Variants in SDK1 observed in about 807,000 individuals in gnomAD.
SDK1 encodes sidekick cell adhesion molecule 1, also known as protein sidekick-1.
In SDK1, 157 loss-of-function variants were observed where a neutral mutation model predicts 245.5. That is an observed-to-expected ratio of 0.64 (90% CI 0.56 to 0.73). The LOEUF is 0.73. Among genes scored for constraint, SDK1 ranks in the 30% least tolerant of loss-of-function variants. SDK1 has a pLI of 0.00. For synonymous variants in SDK1, 1,647 were observed against 1,278.5 expected (o/e 1.29, Z -6.15); for missense variants, 3,583 against 3,002.3 (o/e 1.19, Z -4.52).
At chr7:4,238,308 G>A (rs898819344) in intron 42 of SDK1, among the ~76,000 whole-genome samples, 2 of 151,930 alleles carry the variant, frequency 1.3e-5, no homozygotes, top group Non-Finnish European at 2.9e-5. Flanking sequence ...TCGAAATCCT[G>A]ACCTCAGGTG....
In SDK1 at chr7:3,873,887, T is replaced by C. The variant is rs548877540; in HGVS notation, c.847+52304T>C. Among the ~76,000 whole-genome samples the C allele has an allele frequency of 6.6e-5, 10 of 152,350 alleles. No homozygotes were observed. The East Asian group carries it at 1.9e-3, about 29-fold the overall frequency. Reference sequence around the variant, plus strand: ...ATTAGAGCCTTTAACATATTAGCTATAGTTGTTTTAAATTCTTTGTCTGAT... The same window carrying C: ...ATTAGAGCCTTTAACATATTAGCTACAGTTGTTTTAAATTCTTTGTCTGAT... On this transcript the variant is annotated intron_variant, in intron 5 of 44. Coordinates refer to ENST00000404826, the MANE Select transcript of SDK1 (RefSeq NM_152744.4).
Position 3,580,986 on chromosome 7 carries a change from A to C in SDK1, c.299-38094A>C, listed in dbSNP as rs530936299. 2.1e-3 allele frequency among the ~76,000 whole-genome samples: 292 copies of C among 139,822 alleles called. 6 individuals are homozygous for C. Among genetic ancestry groups the C allele is most frequent in the African/African-American group, 7.2e-3 (272 of 37,890 alleles). The allele number at this position is 139,822 out of a possible 152,430, so 91.7% of individuals were successfully genotyped here. On this transcript the variant is annotated intron_variant, in intron 1 of 44. Coordinates refer to ENST00000404826, the MANE Select transcript of SDK1 (RefSeq NM_152744.4). ...TCCATCTCAAAAAAAAAAAAAAAAAAAAAAAAAACCAAAACAAAACCCTGG... is the reference window on the plus strand; with the variant it reads ...TCCATCTCAAAAAAAAAAAAAAAAACAAAAAAAACCAAAACAAAACCCTGG...
At chr7:3,848,522 T>A (rs141826888) in intron 5 of SDK1, among the ~76,000 whole-genome samples, 1 of 152,288 alleles carries the variant, frequency 6.6e-6, no homozygotes, top group Non-Finnish European at 1.5e-5. Context: ...GGAGGACGCA[T>A]GGAAGGTGGA....
At chr7:3,441,010 A>C (rs887992283) in intron 1 of SDK1, among the ~76,000 whole-genome samples, 1 of 152,196 alleles carries the variant, frequency 6.6e-6, no homozygotes, top group African/African-American at 2.4e-5. Context: ...ACAGATAATC[A>C]GTAGTAGCCT....
intron 4 of SDK1, among the ~76,000 whole-genome samples, chr7:3,721,819 C>T (rs1778816857): frequency 1.3e-5 from 2 of 152,226 alleles, no homozygotes; most frequent in Admixed American, 1.3e-4. Context: ...TCTACTAGGG[C>T]TTAGACCGGT....
Position 3,953,039 on chromosome 7 carries a change from G to C in SDK1, c.1150+1119G>C, listed in dbSNP as rs1335792548. 2.0e-5 allele frequency among the ~76,000 whole-genome samples: 3 copies of C among 152,190 alleles called. No individual in the cohort carries two copies. In the East Asian group the frequency reaches 5.8e-4, roughly 29 times the overall value. ...AGGTAGCCTTAGAGGCCGCCTCTAG[G>C]AAGGAGAATCTCGACTTCCTCTCTC... On this transcript the variant is annotated intron_variant, in intron 7 of 44. Coordinates refer to ENST00000404826, the MANE Select transcript of SDK1 (RefSeq NM_152744.4).
chr7:4,242,617 C>T (rs1483802017), intron 43 of SDK1, among the ~76,000 whole-genome samples: 1 of 152,100 alleles, frequency 6.6e-6, no homozygotes, highest in Non-Finnish European at 1.5e-5. Context: ...GAGGACGCTT[C>T]GTCTGGAGAA....
chr7:3,767,693 A>G (rs904115714), intron 4 of SDK1, among the ~76,000 whole-genome samples: 1 of 152,152 alleles, frequency 6.6e-6, no homozygotes, highest in Non-Finnish European at 1.5e-5. Flanking sequence ...TAATGTAGTT[A>G]GGAGGGGAAA....
intron 1 of SDK1, among the ~76,000 whole-genome samples, chr7:3,472,582 G>T (rs1037727730): frequency 6.6e-6 from 1 of 152,078 alleles, no homozygotes; most frequent in Non-Finnish European, 1.5e-5. Context: ...TCTACATTTA[G>T]GTAAAAATGA....
chr7:4,010,041 A>G (rs756112388), intron 14 of SDK1, among the ~76,000 whole-genome samples: 1 of 152,184 alleles, frequency 6.6e-6, no homozygotes, highest in Admixed American at 6.5e-5. Context: ...CTTTCTGACC[A>G]TCTCTAATGT....
chr7:3,817,187 T>G (rs959404654), intron 4 of SDK1, among the ~76,000 whole-genome samples: 5 of 152,190 alleles, frequency 3.3e-5, no homozygotes, highest in South Asian at 2.1e-4. Flanking sequence ...AGTGCAAGTT[T>G]TGGGAGCTCA....
At chr7:4,187,548 T>C (rs1025283197) in intron 35 of SDK1, among the ~76,000 whole-genome samples, 2 of 152,246 alleles carry the variant, frequency 1.3e-5, no homozygotes, top group Admixed American at 6.5e-5. Flanking sequence ...CAAGAAGGTA[T>C]CTCATTATTA....
intron 1 of SDK1, among the ~76,000 whole-genome samples, chr7:3,534,847 A>G (rs1315779834): frequency 2.0e-5 from 3 of 152,174 alleles, no homozygotes; most frequent in Non-Finnish European, 2.9e-5. Flanking sequence ...AATCATGTTC[A>G]AAATGGTGGC....
chr7:4,144,814 T>C (rs886424244), intron 28 of SDK1, among the ~76,000 whole-genome samples: 18 of 152,162 alleles, frequency 1.2e-4, no homozygotes, highest in African/African-American at 4.3e-4. Flanking sequence ...CGCGGCTCTG[T>C]TCCCCCCGTG....
chr7:3,696,050 C>A (rs1784564004), intron 4 of SDK1, among the ~76,000 whole-genome samples: 1 of 152,116 alleles, frequency 6.6e-6, no homozygotes, highest in Non-Finnish European at 1.5e-5. Flanking sequence ...CTCCGCGTTC[C>A]GGTTTTCCCA....
intron 5 of SDK1, among the ~76,000 whole-genome samples, chr7:3,866,965 T>C (rs1047416950): frequency 6.6e-6 from 1 of 152,106 alleles, no homozygotes; most frequent in African/African-American, 2.4e-5. Context: ...GCTGGTGAAA[T>C]GCACCAGCTC....
intron 5 of SDK1, among the ~76,000 whole-genome samples, chr7:3,869,416 A>G (rs986974095): frequency 2.0e-5 from 3 of 152,074 alleles, no homozygotes; most frequent in African/African-American, 7.2e-5. Flanking sequence ...TCGGCCTCCC[A>G]AAGTGCTGGG....
At chr7:3,696,807 T>C (rs1021861276) in intron 4 of SDK1, among the ~76,000 whole-genome samples, 1 of 152,090 alleles carries the variant, frequency 6.6e-6, no homozygotes, top group African/African-American at 2.4e-5. Context: ...TAAAATGTAA[T>C]TATAACAAAG....
At chr7:4,003,522 T>G (rs1238664798) in intron 14 of SDK1, among the ~76,000 whole-genome samples, 2 of 152,224 alleles carry the variant, frequency 1.3e-5, no homozygotes. Flanking sequence ...AGGATCTGTT[T>G]TGTAGAACGT....
Sources: allele counts gnomAD v4.1 joint callset (sites outside exome capture counted in the v4.1 genomes callset), GRCh38; gene constraint gnomAD v4.1.1; transcripts MANE v1.5; gene names NCBI Gene and HGNC (gene_info 2026-07-23, HGNC 2026-07-21).